The following ANKRD30B variants were observed in gnomAD, a reference collection of about 807,000 sequenced individuals.
ANKRD30B encodes the protein ankyrin repeat domain 30B, also known as ankyrin repeat domain-containing protein 30B.
In ANKRD30B, 144 loss-of-function variants were observed where a neutral mutation model predicts 202.2. The ratio of observed to expected loss-of-function variants is 0.71; its 90% CI spans 0.62 to 0.82. The LOEUF is 0.82. Ranked by LOEUF, ANKRD30B falls within the 40% of genes least tolerant of loss-of-function variation. ANKRD30B has a pLI of 0.00. For missense variants in ANKRD30B, 1,487 were observed against 1,669.1 expected, an observed-to-expected ratio of 0.89 and a Z score of 1.90; for synonymous variants, 508 against 561.3, an observed-to-expected ratio of 0.91 and a Z score of 1.34.
At chr18:14,806,237 A>G (rs531093195) in intron 24 of ANKRD30B, among the ~76,000 whole-genome samples, 5 of 150,754 alleles carry the variant, frequency 3.3e-5, no homozygotes, top group African/African-American at 1.2e-4. Flanking sequence ...AAAGAAAAAA[A>G]AAATCATAGT....
At chr18:14,844,089 T>C (rs1971533611) in intron 39 of ANKRD30B, among the ~76,000 whole-genome samples, 2 of 152,234 alleles carry the variant, frequency 1.3e-5, no homozygotes, top group African/African-American at 4.8e-5. Context: ...ATCAGCATTA[T>C]ATTGTTAGAT....
chr18:14,788,651 T>G (rs1451605489), intron 15 of ANKRD30B, among the ~76,000 whole-genome samples: 1 of 151,978 alleles, frequency 6.6e-6, no homozygotes, highest in East Asian at 1.9e-4. Context: ...GGTGTTTGGT[T>G]TTTTGTTGTT....
At chr18:14,757,179 A>G (rs1914502976) in intron 4 of ANKRD30B, among the ~76,000 whole-genome samples, 1 of 152,232 alleles carries the variant, frequency 6.6e-6, no homozygotes, top group Admixed American at 6.5e-5. Flanking sequence ...TGAATGATAA[A>G]GAGAAAAGAG....
the ANKRD30B span, among the ~76,000 whole-genome samples, chr18:14,875,847 C>A: frequency 6.6e-6 from 1 of 152,088 alleles, no homozygotes; most frequent in Non-Finnish European, 1.5e-5. Context: ...CATTCTTTAC[C>A]CTCTCTGAAA....
chr18:14,847,459 C>CT (rs1185720090), intron 39 of ANKRD30B, among the ~76,000 whole-genome samples: 1 of 130,796 alleles, frequency 7.6e-6, no homozygotes, highest in Non-Finnish European at 1.6e-5. Context: ...ATATTACCTG[C>CT]TGGGAGTTTG....
chr18:14,780,903 G>T (rs2143851733), intron 11 of ANKRD30B, among the ~76,000 whole-genome samples: 1 of 152,262 alleles, frequency 6.6e-6, no homozygotes, highest in South Asian at 2.1e-4. Flanking sequence ...TTTATAAATA[G>T]AACTCTTTGG....
chr18:14,783,508 C>T (rs900210064), intron 12 of ANKRD30B, among the ~76,000 whole-genome samples: 4 of 151,982 alleles, frequency 2.6e-5, no homozygotes, highest in South Asian at 2.1e-4. Flanking sequence ...GGTAAAATTG[C>T]CATTCCAAAA....
intron 33 of ANKRD30B, among the ~76,000 whole-genome samples, chr18:14,829,291 T>C (rs754875914): frequency 6.6e-6 from 1 of 152,198 alleles, no homozygotes; most frequent in East Asian, 1.9e-4. Context: ...ATGGAGAATC[T>C]GAAACTCAAA....
At chr18:14,797,485 G>A (rs1248175218) in intron 18 of ANKRD30B, among the ~76,000 whole-genome samples, 176 bp from the exon 19 acceptor site, 5 of 152,084 alleles carry the variant, frequency 3.3e-5, no homozygotes, top group Non-Finnish European at 7.4e-5. Context: ...AGTTTCAGGG[G>A]GTCTCCCTAC....
intron 9 of ANKRD30B, among the ~76,000 whole-genome samples, chr18:14,774,942 A>T (rs1341419521): frequency 6.6e-6 from 1 of 152,148 alleles, no homozygotes; most frequent in Non-Finnish European, 1.5e-5. Context: ...CCTGGCTAAC[A>T]AGGTGAAACC....
intron 7 of ANKRD30B, among the ~76,000 whole-genome samples, chr18:14,767,109 C>A (rs1374750712): frequency 6.6e-6 from 1 of 152,104 alleles, no homozygotes; most frequent in Non-Finnish European, 1.5e-5. Context: ...GTACACATGC[C>A]AATATTTTTC....
the ANKRD30B span, among the ~76,000 whole-genome samples, chr18:14,873,781 A>G: frequency 2.0e-5 from 3 of 152,148 alleles, no homozygotes; most frequent in East Asian, 1.9e-4. Context: ...AGAGTCAGCT[A>G]CAGAGGAGAC....
chr18:14,927,705 C>T, the ANKRD30B span, among the ~76,000 whole-genome samples: 4 of 152,204 alleles, frequency 2.6e-5, no homozygotes, highest in African/African-American at 4.8e-5. Flanking sequence ...TCCCCATAAA[C>T]TCCAAAGTTC....
intron 34 of ANKRD30B, among the ~76,000 whole-genome samples, chr18:14,831,931 T>A (rs1294604494): frequency 1.3e-5 from 2 of 152,334 alleles, no homozygotes; most frequent in East Asian, 1.9e-4. Context: ...TCTGATAAAC[T>A]TCAGTTCTGA....
At chr18:14,796,803 A>T (rs1429407449) in intron 18 of ANKRD30B, among the ~76,000 whole-genome samples, 3 of 112,762 alleles carry the variant, frequency 2.7e-5, no homozygotes, top group Non-Finnish European at 5.1e-5. Flanking sequence ...TTTATTATTA[A>T]GTTTAGTGAG....
chr18:14,817,428 AT>A (rs1970173904), intron 30 of ANKRD30B, among the ~76,000 whole-genome samples: 2 of 152,314 alleles, frequency 1.3e-5, no homozygotes, highest in Admixed American at 1.3e-4. Context: ...CTCTGCATGG[AT>A]TTTGAACTTC....
At position 14,798,379 on chromosome 18, in the gene ANKRD30B, T is replaced by C. The variant is rs560782150; in HGVS notation, c.2029+525T>C. Among the ~76,000 whole-genome samples the C allele has an allele frequency of 1.3e-4, 20 of 152,198 alleles. No homozygotes were observed. In the South Asian group the frequency reaches 2.7e-3, roughly 20 times the overall value. Reference sequence around the variant, plus strand: ...AGTACACAGGGATAAGAATTTACAATATAGTGTGTGCATCGGTAATTTCTA... The same window carrying C: ...AGTACACAGGGATAAGAATTTACAACATAGTGTGTGCATCGGTAATTTCTA... On this transcript the variant is annotated intron_variant, in intron 20 of 43. Transcript: ENST00000690538.
Position 14,757,843 on chromosome 18 carries a change from G to A in ANKRD30B, c.646G>A (p.Gly216Ser). The A allele has an allele frequency of 6.8e-6, 11 of 1,613,726 alleles. No homozygotes were observed. Among genetic ancestry groups the A allele is most frequent in the Non-Finnish European group, 9.3e-6 (11 of 1,179,876 alleles). Reference sequence around the variant, plus strand: ...AGCCCTCATGCTTGCCATATGTGAAGGCTCATCAGAGATAGTCGGCATGCT... The same window carrying A: ...AGCCCTCATGCTTGCCATATGTGAAAGCTCATCAGAGATAGTCGGCATGCT... The part of the protein sequence containing the change: ...CTALMLAICE[G>S]SSEIVGMLLQ... Residue 216 changes from glycine (G) to serine (S), a missense_variant, in exon 5 of 44, where the codon GGC becomes AGC. Coordinates refer to ENST00000690538, the MANE Select transcript of ANKRD30B (RefSeq NM_001367607.2).
chr18:14,846,430 A>G (rs1228412227), intron 39 of ANKRD30B, among the ~76,000 whole-genome samples: 1 of 151,732 alleles, frequency 6.6e-6, no homozygotes, highest in Admixed American at 6.6e-5. Flanking sequence ...TCTAGAATAT[A>G]GTCCTTGAGT....
Sources: allele counts gnomAD v4.1 joint callset (sites outside exome capture counted in the v4.1 genomes callset), GRCh38; gene constraint gnomAD v4.1.1; transcripts MANE v1.5; gene names NCBI Gene and HGNC (gene_info 2026-07-23, HGNC 2026-07-21).